Variants in GBE1 observed in about 807,000 individuals in gnomAD.
The protein encoded by GBE1 is 1,4-alpha-glucan-branching enzyme.
A neutral mutation model predicts 88.8 loss-of-function variants in GBE1; 70 were observed. The observed-to-expected ratio is 0.79, with a 90% CI of 0.65 to 0.96. GBE1 has a LOEUF of 0.96. Among genes scored for constraint, GBE1 ranks in the 40% least tolerant of loss-of-function variants. GBE1 has a pLI of 0.00. For synonymous variants in GBE1, 284 were observed against 300.1 expected, an observed-to-expected ratio of 0.95 and a Z score of 0.56; for missense variants, 872 against 871.0, an observed-to-expected ratio of 1.00 and a Z score of -0.01.
intron 7 of GBE1, among the ~76,000 whole-genome samples, chr3:81,629,022 T>G (rs868599453): frequency 1.4e-3 from 195 of 141,952 alleles, no homozygotes; most frequent in South Asian, 4.7e-3. Context: ...GTTTAAGTTT[T>G]TTTTTTTTTT....
intron 12 of GBE1, among the ~76,000 whole-genome samples, chr3:81,543,238 C>T (rs1401122808): frequency 6.6e-6 from 1 of 151,898 alleles, no homozygotes; most frequent in Non-Finnish European, 1.5e-5. Flanking sequence ...TCAGAGAGGC[C>T]TCTTTTTAGA....
At chr3:81,629,664 C>T (rs1356940738) in intron 7 of GBE1, among the ~76,000 whole-genome samples, 2 of 152,078 alleles carry the variant, frequency 1.3e-5, no homozygotes, top group Non-Finnish European at 2.9e-5. Context: ...GCCCTGGAAA[C>T]CTGGCTAGGG....
At position 81,591,036 on chromosome 3, in the gene GBE1, C is replaced by A. The variant is rs1199237900; in HGVS notation, c.1236+1G>T. The A allele has an allele frequency of 1.2e-6, 2 of 1,606,786 alleles. No individual in the cohort carries two copies. The highest frequency in any genetic ancestry group is 2.2e-5 in the East Asian group (1 of 44,666). Reference sequence around the variant, plus strand: ...AAGGTAAGACTTCACTATGGCTTTACCTCAGCTATTGTTATAGAATCGGGA... The same window carrying A: ...AAGGTAAGACTTCACTATGGCTTTAACTCAGCTATTGTTATAGAATCGGGA... On this transcript the variant is annotated splice_donor_variant, in intron 9 of 15. Coordinates refer to ENST00000429644, the MANE Select transcript of GBE1 (RefSeq NM_000158.4). LOFTEE classifies it high-confidence loss of function.
In GBE1 at chr3:81,619,093, C is replaced by T. The variant is rs79890230; in HGVS notation, c.992+23688G>A. On this transcript the variant is annotated intron_variant, in intron 7 of 15. Coordinates refer to ENST00000429644, the MANE Select transcript of GBE1 (RefSeq NM_000158.4). ...AATTTTCATTCACTTATTTTTAAAA[C>T]GGTATCTCTGGTAAAATCATCAATA... Among the ~76,000 whole-genome samples the T allele has an allele frequency of 9.4e-3, 1,437 of 152,066 alleles. 14 individuals are homozygous for T. The highest frequency in any genetic ancestry group is 0.033 in the African/African-American group (1,365 of 41,514).
chr3:81,544,368 T>C (rs1434140381), intron 12 of GBE1, among the ~76,000 whole-genome samples: 2 of 152,120 alleles, frequency 1.3e-5, no homozygotes, highest in Non-Finnish European at 2.9e-5. Flanking sequence ...CAAAGCATGA[T>C]CGTTCTGCTC....
At chr3:81,491,242 A>G (rs916418336) in intron 15 of GBE1, among the ~76,000 whole-genome samples, 4 of 152,184 alleles carry the variant, frequency 2.6e-5, no homozygotes, top group Non-Finnish European at 4.4e-5. Context: ...CCTAGATATG[A>G]TAAGTTCTTC....
chr3:81,720,672 C>T (rs561812227), intron 1 of GBE1, among the ~76,000 whole-genome samples: 1 of 151,980 alleles, frequency 6.6e-6, no homozygotes. Flanking sequence ...ACCATATTAT[C>T]AAGTTCCTCA....
At chr3:81,700,955 T>C (rs1705678697) in intron 2 of GBE1, among the ~76,000 whole-genome samples, 1 of 152,184 alleles carries the variant, frequency 6.6e-6, no homozygotes. Context: ...TTGACATATG[T>C]AGTTTACTGC....
At chr3:81,507,864 AT>A (rs1702675109) in intron 14 of GBE1, among the ~76,000 whole-genome samples, 1 of 152,156 alleles carries the variant, frequency 6.6e-6, no homozygotes. Context: ...GCATATTTCT[AT>A]TATAGTCTAG....
chr3:81,505,935 T>C (rs1034868184), intron 14 of GBE1, among the ~76,000 whole-genome samples: 4 of 152,056 alleles, frequency 2.6e-5, no homozygotes, highest in Admixed American at 1.3e-4. Flanking sequence ...TCAAGATGGA[T>C]TAAAGACTTA....
intron 12 of GBE1, among the ~76,000 whole-genome samples, chr3:81,568,527 A>G (rs1703528210): frequency 6.6e-6 from 1 of 152,150 alleles, no homozygotes. Flanking sequence ...AACAGAAATT[A>G]AGCTTCCTGA....
At chr3:81,657,169 AAT>A (rs1380390996) in intron 3 of GBE1, among the ~76,000 whole-genome samples, 1 of 151,766 alleles carries the variant, frequency 6.6e-6, no homozygotes, top group Non-Finnish European at 1.5e-5. Flanking sequence ...AAAAACAATA[AAT>A]TTGTAATACA....
At chr3:81,695,086 T>A (rs952721706) in intron 2 of GBE1, among the ~76,000 whole-genome samples, 1 of 152,190 alleles carries the variant, frequency 6.6e-6, no homozygotes, top group African/African-American at 2.4e-5. Flanking sequence ...ACTCCTTCAT[T>A]AGAGAAACAC....
rs181422363 is a variant in GBE1, at chr3:81,719,046, T to C, written c.144-13433A>G. ...TAAATAATTTTAATAAGTTGAACCA[T>C]TGAAGAAAAAAAATTCTGCTCTAGG... On this transcript the variant is annotated intron_variant, in intron 1 of 15. Coordinates refer to ENST00000429644, the MANE Select transcript of GBE1 (RefSeq NM_000158.4). 2.1e-3 allele frequency among the ~76,000 whole-genome samples: 318 copies of C among 152,224 alleles called. 2 individuals carry two copies. The highest frequency in any genetic ancestry group is 5.1e-3 in the Admixed American group (78 of 15,288).
intron 3 of GBE1, among the ~76,000 whole-genome samples, chr3:81,655,590 C>A (rs1704924220): frequency 6.6e-6 from 1 of 152,140 alleles, no homozygotes; most frequent in African/African-American, 2.4e-5. Flanking sequence ...CACCTCCACT[C>A]ACTGCAACCT....
chr3:81,599,254 C>T (rs1703999762), intron 7 of GBE1, among the ~76,000 whole-genome samples: 1 of 152,000 alleles, frequency 6.6e-6, no homozygotes, highest in Middle Eastern at 3.2e-3. Flanking sequence ...ACGTAAGATT[C>T]ACAAAAGGCA....
intron 14 of GBE1, among the ~76,000 whole-genome samples, chr3:81,530,207 T>A (rs1476908920): frequency 6.6e-6 from 1 of 151,994 alleles, no homozygotes; most frequent in African/African-American, 2.4e-5. Flanking sequence ...ATTCATCTGA[T>A]AGAATTCTAA....
In GBE1 at chr3:81,544,542, C is replaced by T. The variant is rs189076698; in HGVS notation, c.1619-7447G>A. ...TTCAATATAGTAACAGAACTGGGTG[C>T]TTCTAGAAATGAGAAATCTGAAAAC... is the stretch of plus-strand genomic sequence containing the variant. On this transcript the variant is annotated intron_variant, in intron 12 of 15. Transcript: ENST00000429644. 9.9e-5 allele frequency among the ~76,000 whole-genome samples: 15 copies of T among 152,220 alleles called. No homozygotes were observed. The East Asian group carries it at 2.9e-3, about 29-fold the overall frequency.
chr3:81,674,138 C>T (rs1179775961), intron 2 of GBE1, among the ~76,000 whole-genome samples: 3 of 151,872 alleles, frequency 2.0e-5, no homozygotes, highest in East Asian at 1.9e-4. Flanking sequence ...CCAATCATTG[C>T]TAAGCCCTAA....
Sources: gnomAD v4.1 joint callset for allele counts (sites outside exome capture counted in the v4.1 genomes callset) on GRCh38, gnomAD v4.1.1 for gene constraint, MANE v1.5 for transcripts, NCBI Gene and HGNC (gene_info 2026-07-23, HGNC 2026-07-21) for gene names.